The following ENTPD6 variants were observed in gnomAD, a reference collection of about 807,000 sequenced individuals.
ENTPD6 encodes CD39 antigen-like 2.
A neutral mutation model predicts 61.5 loss-of-function variants in ENTPD6; 46 were observed. The ratio of observed to expected loss-of-function variants is 0.75; its 90% confidence interval spans 0.59 to 0.96. The LOEUF is 0.96. Among genes scored for constraint, ENTPD6 ranks in the 40% least tolerant of loss-of-function variants. ENTPD6 has a pLI of 0.00. For synonymous variants in ENTPD6, 252 were observed against 255.5 expected (o/e 0.99, Z 0.13); for missense variants, 612 against 629.0 (o/e 0.97, Z 0.29).
At chr20:25,208,293 T>C (rs1019234757) in intron 3 of ENTPD6, among the ~76,000 whole-genome samples, 3 of 152,226 alleles carry the variant, frequency 2.0e-5, no homozygotes, top group African/African-American at 7.2e-5. Flanking sequence ...ATGCCATATC[T>C]GCTTATCTCT....
At chr20:25,196,997 TGTTGACGGGCG>T (rs1389560569) in intron 1 of ENTPD6, 1 of 636,038 alleles carries the variant, frequency 1.6e-6, no homozygotes, top group African/African-American at 2.0e-5. Context: ...CAGCAGGTGG[TGTTGACGGGCG>T]GTTCACGCAC....
rs1042346549 is a variant in ENTPD6 at position 25,217,376 on chromosome 20, C to T, written c.799-126C>T. 3.1e-5 allele frequency: 26 copies of T among 847,394 alleles called. No homozygotes were observed. The African/African-American group carries it at 4.2e-4, about 14-fold the overall frequency. 52.5% of individuals were successfully genotyped at this position (847,394 alleles called of 1,614,324 possible). The stretch of plus-strand genomic sequence containing the variant: ...CCTGCTCCTGTCTCGCAGCCAGCGA[C>T]CTAGTGAACAGCTCATTTAATTGGC... On this transcript the variant is annotated intron_variant, in intron 8 of 14. Transcript: ENST00000376652.
Position 25,224,060 on chromosome 20 carries a change from C to T in ENTPD6, c.1187-41C>T, listed in dbSNP as rs1487490777. The stretch of plus-strand genomic sequence containing the variant: ...CTCACGTCTCAGTGGCATCGCCAAC[C>T]TCACAGTGCTCCTGCAGACTGGGTG... On this transcript the variant is annotated intron_variant, in intron 12 of 14. Transcript: ENST00000376652. 1.3e-6 allele frequency: 2 copies of T among 1,596,134 alleles called. 1 individual carries two copies. Among genetic ancestry groups the T allele is most frequent in the South Asian group, 2.2e-5 (2 of 89,146 alleles).
chr20:25,214,772 C>T (rs1005317084), intron 5 of ENTPD6, 95 bp from the exon 6 acceptor site: 20 of 789,404 alleles, frequency 2.5e-5, no homozygotes, highest in Non-Finnish European at 4.1e-5. Flanking sequence ...CTTCTCCACC[C>T]ACACTGCTTC....
chr20:25,224,058 A>G, intron 12 of ENTPD6, 43 bp from the exon 13 acceptor site: 2 of 1,593,516 alleles, frequency 1.3e-6, no homozygotes, highest in Non-Finnish European at 8.6e-7. Flanking sequence ...GGCATCGCCA[A>G]CCTCACAGTG....
intron 7 of ENTPD6, 36 bp downstream of exon 7, chr20:25,215,747 A>G: frequency 6.2e-7 from 1 of 1,611,394 alleles, no homozygotes; most frequent in Non-Finnish European, 8.5e-7. Context: ...CTAGCCGATC[A>G]CAGACACCTG....
chr20:25,222,436 GCCTCC>G, intron 11 of ENTPD6: 2 of 171,480 alleles, frequency 1.2e-5, no homozygotes, highest in Admixed American at 1.1e-4. Context: ...AGTGAGCTGG[GCCTCC>G]ACTTCCTTAT....
At position 25,225,916 on chromosome 20, in the gene ENTPD6, C is replaced by T. The variant is rs976836177; in HGVS notation, c.*319C>T. 13 of 250,716 alleles carry T rather than the reference C, an allele frequency of 5.2e-5. No individual in the cohort carries two copies. The Admixed American group carries it at 6.8e-4, about 13-fold the overall frequency. The allele number at this position is 250,716 out of a possible 1,614,324, so 15.5% of individuals were successfully genotyped here. On this transcript the variant is annotated 3_prime_UTR_variant, in exon 15 of 15. Transcript: ENST00000376652. ...CTCCCTGCCTGTCCCATCCCCATGC[C>T]CCGTCCGCGGGGCTGTGGCTGCTGC...
chr20:25,217,396 A>G lies in ENTPD6; in HGVS notation c.799-106A>G. ...AGCGACCTAGTGAACAGCTCATTTA[A>G]TTGGCTGCACCTGACCATCCCCTTT... On this transcript the variant is annotated intron_variant, in intron 8 of 14. Transcript: ENST00000376652. 26 of 1,051,928 alleles carry G rather than the reference A, an allele frequency of 2.5e-5. No individual in the cohort carries two copies. In the South Asian group the frequency reaches 3.5e-4, roughly 14 times the overall value. The allele number at this position is 1,051,928 out of a possible 1,614,324, so 65.2% of individuals were successfully genotyped here.
At chr20:25,217,736 G>A (rs950959644) in intron 9 of ENTPD6, among the ~76,000 whole-genome samples, 155 bp downstream of exon 9, 13 of 143,336 alleles carry the variant, frequency 9.1e-5, no homozygotes, top group Non-Finnish European at 1.4e-4. Flanking sequence ...TCCTTCTCCC[G>A]CCTCCTCTGC....
intron 1 of ENTPD6, among the ~76,000 whole-genome samples, chr20:25,198,296 TG>T (rs1430359141): frequency 6.6e-6 from 1 of 152,032 alleles, no homozygotes; most frequent in Non-Finnish European, 1.5e-5. Context: ...GCCAACATGG[TG>T]AAATACCGTC....
At position 25,195,773 on chromosome 20, in the gene ENTPD6, C is replaced by T; in HGVS notation, c.-110C>T. 1.8e-6 allele frequency: 2 copies of T among 1,107,840 alleles called. No homozygotes were observed. The highest frequency in any genetic ancestry group is 2.3e-6 in the Non-Finnish European group (2 of 867,714). 68.6% of individuals were successfully genotyped at this position (1,107,840 alleles called of 1,614,324 possible). A position where few individuals can be genotyped will look rare whatever the true frequency, so the allele number is the denominator to read the frequency against. ...CCCGCGGGTGGAGGCCGGGGTGGCG[C>T]CGGCCGGGGCGGGGGAGCCCAAAAG... is the stretch of plus-strand genomic sequence containing the variant. On this transcript the variant is annotated 5_prime_UTR_variant, in exon 1 of 15. Transcript: ENST00000376652.
At chr20:25,214,614 A>G in intron 5 of ENTPD6, 1 of 472,938 alleles carries the variant, frequency 2.1e-6, no homozygotes, top group South Asian at 2.1e-5. Flanking sequence ...CTCACAGAAC[A>G]TGGCAGGTGC....
chr20:25,213,290 G>C lies in ENTPD6; in HGVS notation c.481G>C (p.Asp161His). ...CGCTCAGGGAATCCGGGAACTACTGGATGTTGCTAAACAGGACATTCCGTT... is the reference window on the plus strand; with the variant it reads ...CGCTCAGGGAATCCGGGAACTACTGCATGTTGCTAAACAGGACATTCCGTT... ...KSAQGIRELL[D>H]VAKQDIPFDF... Residue 161 changes from aspartate (D) to histidine (H), a missense_variant, in exon 5 of 15, where the codon GAT (aspartate) becomes CAT (histidine). Asp to His is a moderately conservative substitution (Grantham distance 81, BLOSUM62 -1). Coordinates refer to ENST00000376652, the MANE Select transcript of ENTPD6 (RefSeq NM_001247.5). 1 of 1,614,254 alleles carries C rather than the reference G, an allele frequency of 6.2e-7. No homozygotes were observed. The highest frequency in any genetic ancestry group is 8.5e-7 in the Non-Finnish European group (1 of 1,180,050).
intron 12 of ENTPD6, among the ~76,000 whole-genome samples, chr20:25,223,700 CTTT>C (rs74377963): frequency 5.0e-5 from 7 of 138,720 alleles, no homozygotes; most frequent in African/African-American, 8.0e-5. Context: ...TTTTCAAGAA[CTTT>C]TTTTTTTTTT....
At chr20:25,208,023 G>A (rs966537196) in intron 3 of ENTPD6, among the ~76,000 whole-genome samples, 10 of 152,152 alleles carry the variant, frequency 6.6e-5, no homozygotes, top group Non-Finnish European at 1.2e-4. Context: ...TCTCGTGCCC[G>A]TGACCCTGAG....
intron 5 of ENTPD6, among the ~76,000 whole-genome samples, chr20:25,214,341 A>G (rs1410791336): frequency 6.6e-6 from 1 of 152,098 alleles, no homozygotes; most frequent in Non-Finnish European, 1.5e-5. Flanking sequence ...AAAGGTGGGC[A>G]AGGAAATACC....
intron 11 of ENTPD6, 47 bp from the exon 12 acceptor site, chr20:25,222,791 C>T: frequency 6.2e-7 from 1 of 1,603,838 alleles, no homozygotes; most frequent in Non-Finnish European, 8.5e-7. Flanking sequence ...GCTGTGAGGC[C>T]TGGGTGCTCG....
chr20:25,201,961 T>G (rs1283804171), intron 1 of ENTPD6, among the ~76,000 whole-genome samples: 1 of 152,120 alleles, frequency 6.6e-6, no homozygotes, highest in Non-Finnish European at 1.5e-5. Flanking sequence ...CAAGATATCC[T>G]CTCGCCTCCG....
Sources: allele counts gnomAD v4.1 joint callset (sites outside exome capture counted in the v4.1 genomes callset), GRCh38; gene constraint gnomAD v4.1.1; transcripts MANE v1.5; gene names NCBI Gene and HGNC (gene_info 2026-07-23, HGNC 2026-07-21).